Variants in CBLIF observed in about 807,000 individuals in gnomAD.
CBLIF encodes the protein cobalamin binding intrinsic factor.
Under a neutral mutation model 44.9 loss-of-function variants are expected in CBLIF, and 24 were observed. The ratio of observed to expected loss-of-function variants is 0.53; its 90% CI spans 0.39 to 0.75. CBLIF has a LOEUF of 0.75. Ranked by LOEUF, CBLIF falls within the 30% of genes least tolerant of loss-of-function variation. The pLI, the probability that CBLIF is intolerant of heterozygous loss-of-function variation, is 0.00. For missense variants in CBLIF, 481 were observed against 513.0 expected (o/e 0.94, Z 0.60); for synonymous variants, 183 against 190.9 (o/e 0.96, Z 0.34).
At chr11:59,832,198 A>G (rs1447604350) in intron 7 of CBLIF, among the ~76,000 whole-genome samples, 1 of 152,142 alleles carries the variant, frequency 6.6e-6, no homozygotes, top group African/African-American at 2.4e-5. Flanking sequence ...GATGGAGGCC[A>G]TTATCCTTAG....
At position 59,829,997 on chromosome 11, in the gene CBLIF, G is replaced by A. The variant is rs535027300; in HGVS notation, c.1193-452C>T. Among the ~76,000 whole-genome samples the A allele has an allele frequency of 4.8e-4, 73 of 152,256 alleles. 1 individual carries two copies. The South Asian group carries it at 0.015, about 31-fold the overall frequency. On this transcript the variant is annotated intron_variant, in intron 8 of 8. Transcript: ENST00000257248. Reference sequence around the variant, plus strand: ...GGAGAACTTCCTGTTCATTTTTGAAGATTTTGTAAGACATAAGAAAGAGCA... The same window carrying A: ...GGAGAACTTCCTGTTCATTTTTGAAAATTTTGTAAGACATAAGAAAGAGCA...
rs754274619 is a variant in CBLIF at position 59,835,890 on chromosome 11, C to T, written c.991G>A (p.Glu331Lys). ...QLRGVELLFN[E>K]TINVSVKSGS... is the part of the protein sequence containing the mutation. ...CTTTTCACACTAACATTGATGGTCT[C>T]GTTGAAGAGCAGCTCAACCCCCCTC... The change falls in exon 7 of 9, where the codon GAG becomes AAG. Residue 331 changes from glutamate to lysine, a missense_variant. By Grantham distance (56) the Glu-to-Lys change is moderately conservative (BLOSUM62 1). Transcript: ENST00000257248. The T allele has an allele frequency of 1.9e-6, 3 of 1,613,928 alleles. No individual in the cohort carries two copies. The highest frequency in any genetic ancestry group is 1.1e-5 in the South Asian group (1 of 91,072).
At position 59,834,303 on chromosome 11, in the gene CBLIF, T is replaced by TTC. The variant is rs1866421110; in HGVS notation, c.1073+1504_1073+1505insGA. On this transcript the variant is annotated intron_variant, in intron 7 of 8. Coordinates refer to ENST00000257248, the MANE Select transcript of CBLIF (RefSeq NM_005142.3). ...TTCTTTCTTTCTTTCTTTCTTTCTT[T>TTC]CTTTCTTTCTTCCTTCCTTCCTTCC... 6.6e-3 allele frequency among the ~76,000 whole-genome samples: 537 copies of TTC among 81,520 alleles called. 3 individuals carry two copies. Among genetic ancestry groups the TTC allele is most frequent in the Middle Eastern group, 0.024 (4 of 170 alleles). The allele number at this position is 81,520 out of a possible 152,430, so 53.5% of individuals were successfully genotyped here. A position where few individuals can be genotyped will look rare whatever the true frequency, so the allele number is the denominator to read the frequency against.
At position 59,835,976 on chromosome 11, in the gene CBLIF, G is replaced by A; in HGVS notation, c.905C>T (p.Pro302Leu). ...HEVQPTLPSNPGPGPTSASNI... is the reference protein window; with the variant it reads ...HEVQPTLPSNLGPGPTSASNI... ...AGATGCAGAGGTGGGGCCAGGGCCA[G>A]GGTTGCTGGGTAGAGTTGGTTGTAC... Residue 302 changes from proline (P) to leucine (L), a missense_variant, in exon 7 of 9, where the codon CCT becomes CTT. Pro to Leu is a moderately conservative substitution (Grantham distance 98). Coordinates refer to ENST00000257248, the MANE Select transcript of CBLIF (RefSeq NM_005142.3). 1 of 1,614,194 alleles carries A rather than the reference G, an allele frequency of 6.2e-7. No individual in the cohort carries two copies. Among genetic ancestry groups the A allele is most frequent in the South Asian group, 1.1e-5 (1 of 91,082 alleles).
intron 6 of CBLIF, among the ~76,000 whole-genome samples, chr11:59,836,630 G>T (rs1163373832): frequency 6.6e-6 from 1 of 152,118 alleles, no homozygotes; most frequent in South Asian, 2.1e-4. Flanking sequence ...GATCGTTAAG[G>T]CTCGATTTAA....
chr11:59,841,405 A>G (rs1866527538), intron 4 of CBLIF, 81 bp from the exon 5 acceptor site: 1 of 966,094 alleles, frequency 1.0e-6, no homozygotes, highest in African/African-American at 1.6e-5. Context: ...TGTGCTTATT[A>G]TATTCTGGCT....
At position 59,832,231 on chromosome 11, in the gene CBLIF, A is replaced by C. The variant is rs571216054; in HGVS notation, c.1074-435T>G. 3.9e-5 allele frequency among the ~76,000 whole-genome samples: 6 copies of C among 152,280 alleles called. No individual in the cohort carries two copies. In the East Asian group the frequency reaches 1.2e-3, roughly 29 times the overall value. ...TAGCAAACTAACACAGGAACAGAAAACCAAATACTGCATGTTCTTACTTAT... is the reference window on the plus strand; with the variant it reads ...TAGCAAACTAACACAGGAACAGAAACCCAAATACTGCATGTTCTTACTTAT... On this transcript the variant is annotated intron_variant, in intron 7 of 8. Transcript: ENST00000257248.
chr11:59,833,367 A>G (rs924866910), intron 7 of CBLIF, among the ~76,000 whole-genome samples: 2 of 152,076 alleles, frequency 1.3e-5, no homozygotes, highest in African/African-American at 4.8e-5. Context: ...AAATACAAAA[A>G]TTAGCAGGGC....
chr11:59,842,391 A>C, intron 4 of CBLIF, 52 bp downstream of exon 4: 3 of 1,596,034 alleles, frequency 1.9e-6, no homozygotes, highest in Non-Finnish European at 2.6e-6. Context: ...TCCACCATTC[A>C]GTTCACGATG....
intron 2 of CBLIF, 87 bp downstream of exon 2, chr11:59,843,792 G>A (rs1866570138): frequency 2.1e-6 from 2 of 969,762 alleles, no homozygotes; most frequent in South Asian, 2.6e-5. Context: ...AGGCAGCATT[G>A]GGGTGGGAAG....
Position 59,837,277 on chromosome 11 carries a change from C to G in CBLIF, c.768G>C (p.Glu256Asp). 1 of 1,613,042 alleles carries G rather than the reference C, an allele frequency of 6.2e-7. No individual in the cohort carries two copies. Among genetic ancestry groups the G allele is most frequent in the Non-Finnish European group, 8.5e-7 (1 of 1,179,016 alleles). The change falls in exon 6 of 9, where the codon GAG becomes GAC. Residue 256 changes from glutamate to aspartate, a missense_variant. Transcript: ENST00000257248. Reference sequence around the variant, plus strand: ...GGTTGTGGAATTTCCCCTGCTTAATCTCATTGAGTATCATATCCGTAGTCT... The same window carrying G: ...GGTTGTGGAATTTCCCCTGCTTAATGTCATTGAGTATCATATCCGTAGTCT... The part of the protein sequence containing the change: ...CKKTTDMILN[E>D]IKQGKFHNPM...
intron 8 of CBLIF, among the ~76,000 whole-genome samples, chr11:59,830,083 C>T (rs1254888541): frequency 6.6e-6 from 1 of 152,094 alleles, no homozygotes; most frequent in African/African-American, 2.4e-5. Context: ...TATCTGTTAC[C>T]TTTCAGGTAG....
At chr11:59,834,310 T>TCC (rs1447776463) in intron 7 of CBLIF, among the ~76,000 whole-genome samples, 6,368 of 88,220 alleles carry the variant, frequency 0.072, 157 homozygotes, top group Middle Eastern at 0.098. Context: ...CTTTCTTTCT[T>TCC]TCTTCCTTCC....
At chr11:59,832,519 G>A (rs1055740600) in intron 7 of CBLIF, among the ~76,000 whole-genome samples, 13 of 152,172 alleles carry the variant, frequency 8.5e-5, no homozygotes, top group African/African-American at 2.4e-4. Context: ...CAGGTGTGGC[G>A]GCTCATGCCT....
chr11:59,841,278 C>A lies in CBLIF; in HGVS notation c.558G>T (p.Lys186Asn). ...ATLALTCMYN[K>N]IPVGSEEGYR... The stretch of plus-strand genomic sequence containing the variant: ...AACCTTCCTCTGAACCTACAGGGAT[C>A]TTGTTGTACATACAGGTCAGAGCCA... Residue 186 changes from lysine to asparagine, a missense_variant, in exon 5 of 9, where the codon AAG (lysine) becomes AAT (asparagine). Coordinates refer to ENST00000257248, the MANE Select transcript of CBLIF (RefSeq NM_005142.3). The A allele has an allele frequency of 1.2e-6, 2 of 1,613,970 alleles. No homozygotes were observed. Among genetic ancestry groups the A allele is most frequent in the Non-Finnish European group, 1.7e-6 (2 of 1,179,814 alleles).
chr11:59,841,076 G>C, intron 5 of CBLIF, 67 bp downstream of exon 5: 1 of 1,118,412 alleles, frequency 8.9e-7, no homozygotes, highest in Non-Finnish European at 1.4e-6. Context: ...TAGAAGCCTG[G>C]CCTCTTGATT....
intron 7 of CBLIF, among the ~76,000 whole-genome samples, chr11:59,835,303 G>A (rs747732018): frequency 6.6e-6 from 1 of 151,808 alleles, no homozygotes; most frequent in East Asian, 1.9e-4. Context: ...GTGCCACCAC[G>A]CCTGGCTAAT....
intron 1 of CBLIF, among the ~76,000 whole-genome samples, chr11:59,845,048 A>C (rs1423581979): frequency 6.6e-6 from 1 of 151,748 alleles, no homozygotes; most frequent in Non-Finnish European, 1.5e-5. Flanking sequence ...TTTTTTGTAG[A>C]GATGGAGTCT....
chr11:59,834,273 TTTCTTTC>T (rs1866417111), intron 7 of CBLIF, among the ~76,000 whole-genome samples: 1 of 132,582 alleles, frequency 7.5e-6, no homozygotes, highest in African/African-American at 2.8e-5. Flanking sequence ...TCTTTCTTTC[TTTCTTTC>T]TTTCTTTCTT....
Sources: gnomAD v4.1 joint callset for allele counts (sites outside exome capture counted in the v4.1 genomes callset) on GRCh38, gnomAD v4.1.1 for gene constraint, MANE v1.5 for transcripts, NCBI Gene and HGNC (gene_info 2026-07-23, HGNC 2026-07-21) for gene names.